ZFYVE9: variants seen among roughly 807,000 people sequenced by gnomAD.
ZFYVE9 encodes the protein zinc finger FYVE-type containing 9.
A neutral mutation model predicts 126.7 loss-of-function variants in ZFYVE9; 43 were observed. The observed-to-expected ratio is 0.34, with a 90% CI of 0.27 to 0.44. The LOEUF is 0.44. ZFYVE9 is among the 20% of genes least tolerant of loss of function. The pLI is 1.00. For synonymous variants in ZFYVE9, 521 were observed against 597.4 expected, an observed-to-expected ratio of 0.87 and a Z score of 1.87; for missense variants, 1,476 against 1,697.0, an observed-to-expected ratio of 0.87 and a Z score of 2.29.
At chr1:52,273,590 G>C (rs1363877338) in intron 7 of ZFYVE9, among the ~76,000 whole-genome samples, 2 of 152,012 alleles carry the variant, frequency 1.3e-5, no homozygotes, top group African/African-American at 2.4e-5. Flanking sequence ...TAGCACTTTG[G>C]GAGGCCGAGG....
At chr1:52,286,110 C>G (rs974770174) in intron 10 of ZFYVE9, among the ~76,000 whole-genome samples, 3 of 150,784 alleles carry the variant, frequency 2.0e-5, no homozygotes, top group Admixed American at 2.0e-4. Flanking sequence ...GAGCCAAGAT[C>G]GTGCCATTGC....
chr1:52,185,474 A>C (rs146835518), intron 1 of ZFYVE9, among the ~76,000 whole-genome samples: 1 of 152,234 alleles, frequency 6.6e-6, no homozygotes, highest in Non-Finnish European at 1.5e-5. Flanking sequence ...CTAAAATTCT[A>C]TTGCTTAGCT....
chr1:52,264,489 A>G (rs779110715), intron 5 of ZFYVE9, among the ~76,000 whole-genome samples: 3 of 152,204 alleles, frequency 2.0e-5, no homozygotes, highest in Non-Finnish European at 2.9e-5. Context: ...CCCAGTGTTC[A>G]TCTTTTGCTG....
intron 3 of ZFYVE9, 25 bp downstream of exon 3, chr1:52,233,301 G>GCC: frequency 1.3e-6 from 2 of 1,542,300 alleles, no homozygotes; most frequent in South Asian, 2.5e-5. Context: ...TGGTGAATCT[G>GCC]TTTGCCTATG....
Position 52,346,281 on chromosome 1 carries a change from C to A in ZFYVE9, c.*60C>A. 1.4e-6 allele frequency: 2 copies of A among 1,392,338 alleles called. No homozygotes were observed. Among genetic ancestry groups the A allele is most frequent in the Non-Finnish European group, 1.9e-6 (2 of 1,050,034 alleles). The allele number at this position is 1,392,338 out of a possible 1,614,324, so 86.2% of individuals were successfully genotyped here. A position where few individuals can be genotyped will look rare whatever the true frequency, so the allele number is the denominator to read the frequency against. Reference sequence around the variant, plus strand: ...GTTGCAACAGCAGTCATACCCAAATCATTTGCACTTTAAAACTGGAAGATT... The same window carrying A: ...GTTGCAACAGCAGTCATACCCAAATAATTTGCACTTTAAAACTGGAAGATT... On this transcript the variant is annotated 3_prime_UTR_variant, in exon 19 of 19. Transcript: ENST00000287727.
intron 10 of ZFYVE9, among the ~76,000 whole-genome samples, chr1:52,286,445 A>G (rs1019380119): frequency 1.3e-5 from 2 of 152,214 alleles, no homozygotes; most frequent in African/African-American, 4.8e-5. Context: ...ATATATATAC[A>G]CACACACTTT....
intron 1 of ZFYVE9, among the ~76,000 whole-genome samples, chr1:52,197,483 GGAAAACAGTATAAATT>G (rs1337902560): frequency 2.6e-5 from 4 of 151,980 alleles, no homozygotes; most frequent in Admixed American, 2.6e-4. Context: ...CAATTCTCTT[GGAAAACAGTATAAATT>G]GAGAAAAGAA....
intron 4 of ZFYVE9, chr1:52,253,496 T>A (rs1429380420): frequency 1.6e-6 from 1 of 616,340 alleles, no homozygotes. Context: ...TATTTACACA[T>A]TTAAAAAGCC....
At chr1:52,150,740 C>T (rs1399885914) in intron 1 of ZFYVE9, among the ~76,000 whole-genome samples, 1 of 150,924 alleles carries the variant, frequency 6.6e-6, no homozygotes, top group Non-Finnish European at 1.5e-5. Flanking sequence ...CCACTGCACG[C>T]CAGCCTGGGC....
chr1:52,314,016 G>T (rs1244856635), intron 13 of ZFYVE9, among the ~76,000 whole-genome samples: 1 of 152,096 alleles, frequency 6.6e-6, no homozygotes, highest in East Asian at 1.9e-4. Flanking sequence ...AGTACCCAAA[G>T]GAGAGAAAAG....
chr1:52,146,027 C>CACACACACACACACA (rs150268323), intron 1 of ZFYVE9, among the ~76,000 whole-genome samples: 50 of 146,292 alleles, frequency 3.4e-4, no homozygotes, highest in African/African-American at 1.2e-3. Flanking sequence ...TCAAAAATAT[C>CACACACACACACACA]CACACACACA....
intron 4 of ZFYVE9, chr1:52,254,136 C>T (rs1381233047): frequency 4.1e-6 from 3 of 731,578 alleles, no homozygotes; most frequent in Non-Finnish European, 7.0e-6. Context: ...GGTAAATTTC[C>T]TAGATGTACA....
rs1009955313 is a variant in ZFYVE9, at chr1:52,263,881, T to G, written c.2278+9T>G. 1 of 1,540,680 alleles carries G rather than the reference T, an allele frequency of 6.5e-7. No homozygotes were observed. Among genetic ancestry groups the G allele is most frequent in the Non-Finnish European group, 8.9e-7 (1 of 1,127,516 alleles). On this transcript the variant is annotated intron_variant, in intron 5 of 18. Transcript: ENST00000287727. The stretch of plus-strand genomic sequence containing the variant: ...TTCAGTGCTAATGAATGGTAAGTAT[T>G]AAAACAGGTTGATTTCATAGTTATT...
intron 2 of ZFYVE9, among the ~76,000 whole-genome samples, chr1:52,224,162 T>C (rs1251995582): frequency 6.6e-6 from 1 of 152,214 alleles, no homozygotes; most frequent in Non-Finnish European, 1.5e-5. Context: ...AGGAAAGTTT[T>C]GGATATCCCT....
At chr1:52,181,136 G>T (rs145359218) in intron 1 of ZFYVE9, among the ~76,000 whole-genome samples, 1 of 151,732 alleles carries the variant, frequency 6.6e-6, no homozygotes, top group Non-Finnish European at 1.5e-5. Flanking sequence ...ATGCCGAGCC[G>T]AAGCTGGACT....
rs912643624 is a variant in ZFYVE9 at position 52,175,007 on chromosome 1, G to T, written c.-143+32604G>T. Among the ~76,000 whole-genome samples, 1,508 of 152,132 alleles carry T rather than the reference G, an allele frequency of 9.9e-3. 37 individuals carry two copies. The highest frequency in any genetic ancestry group is 0.035 in the African/African-American group (1,452 of 41,520). On this transcript the variant is annotated intron_variant, in intron 1 of 18. Coordinates refer to ENST00000287727, the MANE Select transcript of ZFYVE9 (RefSeq NM_004799.4). ...TTGGAGCGTTTAGTCCATTTACATTGAAAGTTAATATTGTTATGTGTGAAT... is the reference window on the plus strand; with the variant it reads ...TTGGAGCGTTTAGTCCATTTACATTTAAAGTTAATATTGTTATGTGTGAAT...
chr1:52,246,676 C>A (rs562257593), intron 4 of ZFYVE9, among the ~76,000 whole-genome samples: 2 of 148,798 alleles, frequency 1.3e-5, no homozygotes, highest in South Asian at 4.3e-4. Context: ...GGGCTACGAG[C>A]ATGTGCCACC....
chr1:52,260,505 C>T (rs1645567953), intron 4 of ZFYVE9, among the ~76,000 whole-genome samples: 1 of 151,854 alleles, frequency 6.6e-6, no homozygotes, highest in South Asian at 2.1e-4. Flanking sequence ...CTGATCATGT[C>T]TTTCTCTTTG....
At chr1:52,304,594 C>CTTTTTCCTTTT (rs577796281) in intron 13 of ZFYVE9, among the ~76,000 whole-genome samples, 1 of 151,936 alleles carries the variant, frequency 6.6e-6, no homozygotes, top group South Asian at 2.1e-4. Context: ...TTTTTCCTTC[C>CTTTTTCCTTTT]TTTTTCCTTT....
Sources: allele counts gnomAD v4.1 joint callset (sites outside exome capture counted in the v4.1 genomes callset), GRCh38; gene constraint gnomAD v4.1.1; transcripts MANE v1.5; gene names NCBI Gene and HGNC (gene_info 2026-07-23, HGNC 2026-07-21).